The following AOPEP variants were observed in gnomAD, a reference collection of about 807,000 sequenced individuals.
AOPEP encodes aminopeptidase O (putative), also known as aminopeptidase O.
A neutral mutation model predicts 98.1 loss-of-function variants in AOPEP; 77 were observed. The ratio of observed to expected loss-of-function variants is 0.78; its 90% CI spans 0.65 to 0.95. AOPEP has a LOEUF of 0.95. Ranked by LOEUF, AOPEP falls within the 40% of genes least tolerant of loss-of-function variation. The probability of loss-of-function intolerance (pLI) is 0.00; values close to 1 mark genes in which losing one functional copy is unlikely to be tolerated. For synonymous variants in AOPEP, 346 were observed against 365.3 expected, an observed-to-expected ratio of 0.95 and a Z score of 0.60; for missense variants, 1,024 against 1,024.7, an observed-to-expected ratio of 1.00 and a Z score of 0.01.
chr9:94,973,703 C>T (rs530280344), intron 10 of AOPEP, among the ~76,000 whole-genome samples: 4 of 152,342 alleles, frequency 2.6e-5, no homozygotes, highest in African/African-American at 7.2e-5. Flanking sequence ...GGAAAGTCCG[C>T]GCTCACTAGT....
At chr9:95,140,401 A>C in the AOPEP span, among the ~76,000 whole-genome samples, 1 of 152,220 alleles carries the variant, frequency 6.6e-6, no homozygotes. Context: ...CCTTTACAAA[A>C]AGAGGTAGCA....
intron 11 of AOPEP, among the ~76,000 whole-genome samples, chr9:94,987,053 A>T (rs761514320): frequency 6.6e-6 from 1 of 152,242 alleles, no homozygotes; most frequent in Non-Finnish European, 1.5e-5. Context: ...CTGAAATCAG[A>T]CCTCTGAGTC....
intron 5 of AOPEP, among the ~76,000 whole-genome samples, chr9:94,901,084 A>G (rs898407892): frequency 3.0e-4 from 11 of 36,070 alleles, no homozygotes; most frequent in Non-Finnish European, 4.5e-4. Context: ...TCAATAAGTA[A>G]TATGAAACAT....
At chr9:94,928,018 A>G (rs1248338644) in intron 6 of AOPEP, among the ~76,000 whole-genome samples, 1 of 152,222 alleles carries the variant, frequency 6.6e-6, no homozygotes, top group Non-Finnish European at 1.5e-5. Context: ...AGTCCTTAAC[A>G]AAATTGAGGG....
chr9:95,014,313 AG>A (rs2062805856), intron 13 of AOPEP, among the ~76,000 whole-genome samples: 1 of 151,968 alleles, frequency 6.6e-6, no homozygotes, highest in Non-Finnish European at 1.5e-5. Flanking sequence ...GAAAAAAAAA[AG>A]AACACAAAAA....
intron 13 of AOPEP, among the ~76,000 whole-genome samples, chr9:95,024,435 G>T (rs1419492938): frequency 6.6e-6 from 1 of 152,218 alleles, no homozygotes; most frequent in East Asian, 1.9e-4. Flanking sequence ...TCTCCAGGCT[G>T]TGCTGTTCTT....
intron 2 of AOPEP, among the ~76,000 whole-genome samples, chr9:94,766,523 C>T (rs1440522057): frequency 3.9e-5 from 6 of 152,170 alleles, no homozygotes; most frequent in East Asian, 1.9e-4. Context: ...GGCGACAGAG[C>T]GAGACTCCAT....
chr9:95,034,413 C>G (rs1477137387), intron 13 of AOPEP, among the ~76,000 whole-genome samples: 1 of 152,106 alleles, frequency 6.6e-6, no homozygotes, highest in Admixed American at 6.5e-5. Context: ...AAGAATCTAC[C>G]AAATGGGTAA....
At chr9:94,931,802 C>A in intron 7 of AOPEP, 2 of 1,547,640 alleles carry the variant, frequency 1.3e-6, no homozygotes, top group Non-Finnish European at 1.7e-6. Flanking sequence ...GTCCTAAAAA[C>A]GCTTTCTTCT....
chr9:94,990,611 T>TTTAATTAATTAATTAA (rs139232680), intron 11 of AOPEP, among the ~76,000 whole-genome samples: 2 of 149,858 alleles, frequency 1.3e-5, no homozygotes, highest in African/African-American at 5.0e-5. Context: ...GATTATTTAA[T>TTTAATTAATTAATTAA]TTAATTAATT....
intron 11 of AOPEP, among the ~76,000 whole-genome samples, chr9:94,986,800 A>G (rs1330830871): frequency 3.3e-5 from 5 of 152,220 alleles, no homozygotes; most frequent in Admixed American, 2.0e-4. Context: ...GGTGCCCCCA[A>G]ATGAAAGCTG....
chr9:95,144,411 C>T, the AOPEP span, among the ~76,000 whole-genome samples: 1 of 152,188 alleles, frequency 6.6e-6, no homozygotes. Flanking sequence ...CATGCTATCA[C>T]AAGCAAAATT....
At chr9:94,946,577 A>C (rs1303903848) in intron 7 of AOPEP, among the ~76,000 whole-genome samples, 1 of 152,192 alleles carries the variant, frequency 6.6e-6, no homozygotes, top group Non-Finnish European at 1.5e-5. Flanking sequence ...TTTGGCTGGA[A>C]TCTGCCTCCT....
chr9:95,087,960 T>C (rs886954339), downstream of AOPEP, among the ~76,000 whole-genome samples: 3 of 152,190 alleles, frequency 2.0e-5, no homozygotes, highest in African/African-American at 7.2e-5. Flanking sequence ...TGGATCTCAT[T>C]AGAAGCTCTG....
chr9:95,046,988 T>C (rs1241584517), intron 13 of AOPEP, among the ~76,000 whole-genome samples: 1 of 152,238 alleles, frequency 6.6e-6, no homozygotes, highest in Non-Finnish European at 1.5e-5. Context: ...ACAATTTAAA[T>C]TGTATTCAGC....
intron 13 of AOPEP, among the ~76,000 whole-genome samples, chr9:95,045,668 G>GGCCA (rs1412672141): frequency 6.6e-6 from 1 of 152,128 alleles, no homozygotes; most frequent in African/African-American, 2.4e-5. Flanking sequence ...CTCTCCTAAG[G>GGCCA]GCCAGGTGTT....
At chr9:94,761,949 TTA>T (rs112477954) in intron 2 of AOPEP, among the ~76,000 whole-genome samples, 9,909 of 152,188 alleles carry the variant, frequency 0.065, 1,058 homozygotes, top group African/African-American at 0.23. Context: ...AACTAGGAAA[TTA>T]TAGTTTTTAT....
chr9:94,785,136 T>C (rs888738902), intron 3 of AOPEP, among the ~76,000 whole-genome samples: 9 of 151,940 alleles, frequency 5.9e-5, no homozygotes, highest in African/African-American at 1.9e-4. Context: ...GTTTCCGCTA[T>C]GTTGGCCAGG....
chr9:94,787,160 C>G (rs1163476883), intron 3 of AOPEP, among the ~76,000 whole-genome samples: 2 of 152,190 alleles, frequency 1.3e-5, no homozygotes, highest in African/African-American at 4.8e-5. Flanking sequence ...GGACTCACCT[C>G]AGGTTCTGTT....
Sources: gnomAD v4.1 joint callset for allele counts (sites outside exome capture counted in the v4.1 genomes callset) on GRCh38, gnomAD v4.1.1 for gene constraint, MANE v1.5 for transcripts, NCBI Gene and HGNC (gene_info 2026-07-23, HGNC 2026-07-21) for gene names.